Variants in CERS6 observed in about 807,000 individuals in gnomAD.
The protein encoded by CERS6 is LAG1 homolog, ceramide synthase 6.
Under a neutral mutation model 56.8 loss-of-function variants are expected in CERS6, and 26 were observed. The observed-to-expected ratio is 0.46, with a 90% CI of 0.34 to 0.63. The LOEUF is 0.63. Among genes scored for constraint, CERS6 ranks in the 30% least tolerant of loss-of-function variants. The pLI is 0.01. For missense variants in CERS6, 415 were observed against 467.5 expected (o/e 0.89, Z 1.04); for synonymous variants, 164 against 173.3 (o/e 0.95, Z 0.42).
intron 8 of CERS6, among the ~76,000 whole-genome samples, chr2:168,761,337 C>T (rs1017783398): frequency 8.5e-5 from 12 of 140,940 alleles, no homozygotes; most frequent in African/African-American, 3.4e-4. Flanking sequence ...ATGTGAATGC[C>T]ATGTCGCCAA....
At chr2:168,640,684 A>T (rs80108451) in intron 4 of CERS6, among the ~76,000 whole-genome samples, 5,608 of 152,324 alleles carry the variant, frequency 0.037, 295 homozygotes, top group African/African-American at 0.12. Flanking sequence ...TTTGTAATCT[A>T]GCAGAGAAGT....
intron 8 of CERS6, among the ~76,000 whole-genome samples, chr2:168,764,265 C>T (rs965188390): frequency 1.3e-5 from 2 of 152,146 alleles, no homozygotes; most frequent in African/African-American, 4.8e-5. Context: ...GCCTCAGCCT[C>T]CCTAGTAGCT....
chr2:168,731,261 C>A (rs1393782381), intron 8 of CERS6, among the ~76,000 whole-genome samples: 1 of 152,106 alleles, frequency 6.6e-6, no homozygotes, highest in Non-Finnish European at 1.5e-5. Flanking sequence ...AAACGAGCCT[C>A]CTACCTGCTA....
chr2:168,591,540 A>G (rs184943683), intron 3 of CERS6, among the ~76,000 whole-genome samples: 1 of 152,342 alleles, frequency 6.6e-6, no homozygotes, highest in Admixed American at 6.5e-5. Flanking sequence ...TTAACATTAG[A>G]CTTAATCTTC....
At chr2:168,498,852 G>A (rs1420129585) in intron 1 of CERS6, among the ~76,000 whole-genome samples, 1 of 152,172 alleles carries the variant, frequency 6.6e-6, no homozygotes, top group African/African-American at 2.4e-5. Context: ...TTAGCCCGTA[G>A]GGAGGGAAGA....
chr2:168,569,982 C>A (rs1261853412), intron 3 of CERS6, among the ~76,000 whole-genome samples: 2 of 152,128 alleles, frequency 1.3e-5, no homozygotes, highest in Non-Finnish European at 2.9e-5. Flanking sequence ...TTGTTACTCA[C>A]TTTGGGGTAT....
intron 3 of CERS6, among the ~76,000 whole-genome samples, chr2:168,622,867 T>C (rs1684506068): frequency 6.6e-6 from 1 of 152,242 alleles, no homozygotes; most frequent in Non-Finnish European, 1.5e-5. Flanking sequence ...CTAGCTATCA[T>C]ATTTCTTTGG....
At chr2:168,564,616 G>A (rs1029803305) in intron 3 of CERS6, among the ~76,000 whole-genome samples, 1 of 152,134 alleles carries the variant, frequency 6.6e-6, no homozygotes, top group Non-Finnish European at 1.5e-5. Flanking sequence ...TCCTTCTAGA[G>A]GGTTGTGTTT....
At chr2:168,463,505 A>G (rs1333411755) in intron 1 of CERS6, among the ~76,000 whole-genome samples, 1 of 152,206 alleles carries the variant, frequency 6.6e-6, no homozygotes, top group East Asian at 1.9e-4. Flanking sequence ...TCTGAGCCCA[A>G]AAGGATAAAT....
intron 1 of CERS6, among the ~76,000 whole-genome samples, chr2:168,527,584 G>A (rs1295620657): frequency 1.3e-5 from 2 of 152,088 alleles, no homozygotes; most frequent in African/African-American, 2.4e-5. Flanking sequence ...CGGGTGTGGT[G>A]GCTAGTAAGG....
At chr2:168,662,405 G>C (rs1164912931) in intron 4 of CERS6, among the ~76,000 whole-genome samples, 1 of 152,134 alleles carries the variant, frequency 6.6e-6, no homozygotes, top group East Asian at 1.9e-4. Context: ...GAGACAGGCA[G>C]TGTCTGAAGG....
intron 1 of CERS6, among the ~76,000 whole-genome samples, chr2:168,469,621 A>C (rs1209003931): frequency 6.6e-6 from 1 of 152,186 alleles, no homozygotes; most frequent in Non-Finnish European, 1.5e-5. Context: ...CTTTGGGTAC[A>C]CGCAGTAAGG....
At chr2:168,594,674 G>C (rs1683754695) in intron 3 of CERS6, among the ~76,000 whole-genome samples, 1 of 152,108 alleles carries the variant, frequency 6.6e-6, no homozygotes, top group South Asian at 2.1e-4. Flanking sequence ...TTCCACCCCA[G>C]TGTAAGTCCT....
chr2:168,694,354 TGAGAC>T (rs1465253295), intron 5 of CERS6, among the ~76,000 whole-genome samples: 2 of 152,206 alleles, frequency 1.3e-5, no homozygotes, highest in Non-Finnish European at 2.9e-5. Context: ...GCTGTAGAGC[TGAGAC>T]GTGATCCGAT....
rs767710432 is a variant in CERS6, at chr2:168,651,835, C to T, written c.465+20793C>T. Among the ~76,000 whole-genome samples, 141 of 152,250 alleles carry T rather than the reference C, an allele frequency of 9.3e-4. 2 individuals are homozygous for T. The highest frequency in any genetic ancestry group is 3.1e-4 in the Non-Finnish European group (21 of 68,010). ...TTTAATCTGAGCCAGGCCTAACATACGTAAGCCCTCATCACTTTTTCCAAC... is the reference window on the plus strand; with the variant it reads ...TTTAATCTGAGCCAGGCCTAACATATGTAAGCCCTCATCACTTTTTCCAAC... On this transcript the variant is annotated intron_variant, in intron 4 of 9. Coordinates refer to ENST00000305747, the MANE Select transcript of CERS6 (RefSeq NM_203463.3).
rs902092307 is a variant in CERS6, at chr2:168,771,241, T to G, written c.*1579T>G. 2.0e-5 allele frequency: 3 copies of G among 152,170 alleles called. No individual in the cohort carries two copies. The highest frequency in any genetic ancestry group is 4.4e-5 in the Non-Finnish European group (3 of 68,022). 9.4% of individuals were successfully genotyped at this position (152,170 alleles called of 1,614,324 possible). On this transcript the variant is annotated 3_prime_UTR_variant, in exon 10 of 10. Transcript: ENST00000305747. The stretch of plus-strand genomic sequence containing the variant: ...CAGAACCATTCACATTTAATTCAAT[T>G]CTTGGAAAAAATTAAAGCTTTTTGC...
intron 6 of CERS6, among the ~76,000 whole-genome samples, chr2:168,698,696 C>G (rs1227729781): frequency 6.6e-6 from 1 of 152,014 alleles, no homozygotes; most frequent in Non-Finnish European, 1.5e-5. Flanking sequence ...ACTGTTATCT[C>G]AATAATTTTC....
intron 3 of CERS6, among the ~76,000 whole-genome samples, chr2:168,591,882 A>G (rs1041007202): frequency 6.6e-6 from 1 of 152,176 alleles, no homozygotes; most frequent in African/African-American, 2.4e-5. Flanking sequence ...ATCCCTTTCT[A>G]ATGGAATAGA....
Position 168,505,762 on chromosome 2 carries a change from G to A in CERS6, c.171-41834G>A, listed in dbSNP as rs947048864. The stretch of plus-strand genomic sequence containing the variant: ...ACAGTACCCCTATTCTTGTAATGAA[G>A]TAAGGAACTGGTCTAGTGTCAGTCT... On this transcript the variant is annotated intron_variant, in intron 1 of 9. Transcript: ENST00000305747. Among the ~76,000 whole-genome samples the A allele has an allele frequency of 4.6e-5, 7 of 152,204 alleles. 1 individual carries two copies. The highest frequency in any genetic ancestry group is 1.2e-4 in the African/African-American group (5 of 41,454).
Sources: allele counts gnomAD v4.1 joint callset (sites outside exome capture counted in the v4.1 genomes callset), GRCh38; gene constraint gnomAD v4.1.1; transcripts MANE v1.5; gene names NCBI Gene and HGNC (gene_info 2026-07-23, HGNC 2026-07-21).